The following TNFSF4 variants were observed in gnomAD, a reference collection of about 807,000 sequenced individuals.
The protein encoded by TNFSF4 is tumor necrosis factor ligand superfamily member 4.
Under a neutral mutation model 7.3 loss-of-function variants are expected in TNFSF4, and 4 were observed. That is an observed-to-expected ratio of 0.55 (90% CI 0.27 to 1.25). The LOEUF is 1.25. Among genes scored for constraint, TNFSF4 ranks in the 50% most tolerant of loss-of-function variants. The pLI is 0.12. For synonymous variants in TNFSF4, 76 were observed against 83.7 expected, an observed-to-expected ratio of 0.91 and a Z score of 0.50; for missense variants, 181 against 208.8, an observed-to-expected ratio of 0.87 and a Z score of 0.82.
chr1:173,213,264 A>G, the TNFSF4 span, among the ~76,000 whole-genome samples: 1 of 152,122 alleles, frequency 6.6e-6, no homozygotes. Flanking sequence ...TTCTGATGCC[A>G]ATTTTCCCTT....
At chr1:173,430,622 G>T in the TNFSF4 span, among the ~76,000 whole-genome samples, 1 of 152,178 alleles carries the variant, frequency 6.6e-6, no homozygotes, top group African/African-American at 2.4e-5. Flanking sequence ...TGTGTGCATA[G>T]CAAATAGGGC....
the TNFSF4 span, among the ~76,000 whole-genome samples, chr1:173,330,727 A>C: frequency 6.6e-6 from 1 of 152,220 alleles, no homozygotes; most frequent in Non-Finnish European, 1.5e-5. Flanking sequence ...GTGAAAGTGC[A>C]TTGCAAAGGA....
the TNFSF4 span, chr1:173,362,904 C>T: frequency 2.1e-6 from 1 of 480,496 alleles, no homozygotes; most frequent in Non-Finnish European, 4.2e-6. Flanking sequence ...ATCACCCAAG[C>T]ATAATCTATA....
At chr1:173,395,026 A>AGAT in the TNFSF4 span, among the ~76,000 whole-genome samples, 1,920 of 118,096 alleles carry the variant, frequency 0.016, 10 homozygotes, top group East Asian at 0.03. Flanking sequence ...ATAGATAGAT[A>AGAT]GATAGATAGA....
chr1:173,377,823 GTA>G, the TNFSF4 span, among the ~76,000 whole-genome samples: 1 of 152,086 alleles, frequency 6.6e-6, no homozygotes, highest in African/African-American at 2.4e-5. Flanking sequence ...CTCAGAAATG[GTA>G]TCTTTCCTAT....
chr1:173,308,243 C>T, the TNFSF4 span, among the ~76,000 whole-genome samples: 1 of 149,736 alleles, frequency 6.7e-6, no homozygotes, highest in Admixed American at 6.7e-5. Context: ...CTTCTCTCTT[C>T]CTCCATCCCA....
the TNFSF4 span, among the ~76,000 whole-genome samples, chr1:173,284,835 T>G: frequency 6.6e-6 from 1 of 152,158 alleles, no homozygotes; most frequent in Non-Finnish European, 1.5e-5. Flanking sequence ...TTACTACTCA[T>G]TAACAATGCA....
the TNFSF4 span, among the ~76,000 whole-genome samples, chr1:173,364,668 A>G: frequency 6.6e-6 from 1 of 152,070 alleles, no homozygotes; most frequent in Non-Finnish European, 1.5e-5. Context: ...TTACAATTAA[A>G]CTAATTATAT....
At chr1:173,223,692 C>T in the TNFSF4 span, among the ~76,000 whole-genome samples, 1 of 152,132 alleles carries the variant, frequency 6.6e-6, no homozygotes. Flanking sequence ...ACTTTGTTGC[C>T]CTGTCTTCCT....
chr1:173,397,519 G>A, the TNFSF4 span, among the ~76,000 whole-genome samples: 1 of 152,184 alleles, frequency 6.6e-6, no homozygotes, highest in Non-Finnish European at 1.5e-5. Context: ...TGAAAGTCAG[G>A]TGATCAGTGG....
chr1:173,235,948 C>A, the TNFSF4 span, among the ~76,000 whole-genome samples: 1 of 152,042 alleles, frequency 6.6e-6, no homozygotes, highest in African/African-American at 2.4e-5. Context: ...CATTTCCCTT[C>A]AAATTATTTT....
At chr1:173,362,969 CT>C in the TNFSF4 span, 2 of 300,308 alleles carry the variant, frequency 6.7e-6, no homozygotes, top group Admixed American at 3.7e-5. Context: ...GTGGTTTTGA[CT>C]TTTTTTAAAA....
At chr1:173,390,295 G>A in the TNFSF4 span, among the ~76,000 whole-genome samples, 6 of 152,190 alleles carry the variant, frequency 3.9e-5, no homozygotes, top group Non-Finnish European at 8.8e-5. Flanking sequence ...GCCTTTGTAG[G>A]TCTCTATGCA....
chr1:173,410,917 G>T, the TNFSF4 span, among the ~76,000 whole-genome samples: 16 of 152,158 alleles, frequency 1.1e-4, no homozygotes, highest in African/African-American at 3.9e-4. Context: ...AACCCAAGGG[G>T]TAGCAGCTGC....
chr1:173,287,041 G>A, the TNFSF4 span, among the ~76,000 whole-genome samples: 1 of 152,112 alleles, frequency 6.6e-6, no homozygotes, highest in African/African-American at 2.4e-5. Flanking sequence ...TAATGAGCTG[G>A]GCACAGCAGC....
chr1:173,256,827 T>C, the TNFSF4 span, among the ~76,000 whole-genome samples: 3 of 152,224 alleles, frequency 2.0e-5, no homozygotes, highest in Non-Finnish European at 4.4e-5. Context: ...CTTTAACCTC[T>C]TACTTAACCT....
chr1:173,233,783 TA>T, the TNFSF4 span, among the ~76,000 whole-genome samples: 46 of 152,076 alleles, frequency 3.0e-4, 2 homozygotes, highest in Admixed American at 1.6e-3. Flanking sequence ...TTACACCTTA[TA>T]AAAAAATTAA....
At chr1:173,289,911 A>G in the TNFSF4 span, among the ~76,000 whole-genome samples, 1 of 151,568 alleles carries the variant, frequency 6.6e-6, no homozygotes, top group East Asian at 1.9e-4. Flanking sequence ...ACAGAAGTGT[A>G]ACTGGAGTTC....
chr1:173,292,056 TA>T, the TNFSF4 span, among the ~76,000 whole-genome samples: 3 of 150,704 alleles, frequency 2.0e-5, no homozygotes, highest in Non-Finnish European at 4.4e-5. Context: ...ATACCAAACG[TA>T]TAAAGAAGAG....
Sources: allele counts gnomAD v4.1 joint callset (sites outside exome capture counted in the v4.1 genomes callset), GRCh38; gene constraint gnomAD v4.1.1; transcripts MANE v1.5; gene names NCBI Gene and HGNC (gene_info 2026-07-23, HGNC 2026-07-21).